The following TMTC1 variants were observed in gnomAD, a reference collection of about 807,000 sequenced individuals.
TMTC1 encodes the protein transmembrane O-mannosyltransferase targeting cadherins 1.
Under a neutral mutation model 104.8 loss-of-function variants are expected in TMTC1, and 73 were observed. The observed-to-expected ratio is 0.70, with a 90% CI of 0.58 to 0.85. TMTC1 has a LOEUF of 0.85. Among genes scored for constraint, TMTC1 ranks in the 40% least tolerant of loss-of-function variants. TMTC1 has a pLI of 0.00. For synonymous variants in TMTC1, 434 were observed against 428.7 expected, an observed-to-expected ratio of 1.01 and a Z score of -0.15; for missense variants, 1,035 against 1,096.1, an observed-to-expected ratio of 0.94 and a Z score of 0.79.
intron 5 of TMTC1, among the ~76,000 whole-genome samples, chr12:29,687,056 G>C (rs1444022462): frequency 6.6e-6 from 1 of 152,074 alleles, no homozygotes; most frequent in African/African-American, 2.4e-5. Flanking sequence ...AAGAGATATT[G>C]GGATTAGAAA....
intron 10 of TMTC1, among the ~76,000 whole-genome samples, chr12:29,548,156 A>G (rs1242087570): frequency 1.3e-5 from 2 of 152,152 alleles, no homozygotes; most frequent in Non-Finnish European, 2.9e-5. Flanking sequence ...TGGACTGGAG[A>G]GAATTTGAAG....
At chr12:29,600,008 A>ATATATATATATTT (rs59108744) in intron 7 of TMTC1, among the ~76,000 whole-genome samples, 8 of 118,686 alleles carry the variant, frequency 6.7e-5, no homozygotes, top group African/African-American at 1.5e-4. Flanking sequence ...ATATATATAT[A>ATATATATATATTT]TTTTTTTTTT....
rs139477722 is a variant in TMTC1, at chr12:29,680,863, C to T, written c.939-47527G>A. 3.7e-3 allele frequency among the ~76,000 whole-genome samples: 563 copies of T among 152,006 alleles called. 5 individuals are homozygous for T. The highest frequency in any genetic ancestry group is 0.013 in the African/African-American group (547 of 41,484). ...AACTGATCCCAGCACTTTGGGAGGC[C>T]GAGGTGGGTGGATCACTTGAGGCCA... On this transcript the variant is annotated intron_variant, in intron 5 of 17. Transcript: ENST00000539277.
intron 5 of TMTC1, among the ~76,000 whole-genome samples, chr12:29,648,448 T>C (rs944644236): frequency 6.6e-6 from 1 of 152,184 alleles, no homozygotes; most frequent in African/African-American, 2.4e-5. Flanking sequence ...AATTCTAAAT[T>C]GGCGCAATTC....
intron 10 of TMTC1, among the ~76,000 whole-genome samples, chr12:29,550,933 CAAAAAAAAAAAAAA>C (rs200605964): frequency 3.0e-4 from 33 of 108,326 alleles, no homozygotes; most frequent in African/African-American, 1.1e-3. Context: ...GACTCCATCT[CAAAAAAAAAAAAAA>C]AAAAAAAAAA....
rs149624519 is a variant in TMTC1 at position 29,679,667 on chromosome 12, C to T, written c.939-46331G>A. Among the ~76,000 whole-genome samples the T allele has an allele frequency of 7.7e-4, 117 of 151,438 alleles. 1 individual carries two copies. The East Asian group carries it at 0.021, about 27-fold the overall frequency. Reference sequence around the variant, plus strand: ...ATTTATCTAAGTAGGAGGCTATATACATTAAATTAAAGCTAAACCAAACTG... The same window carrying T: ...ATTTATCTAAGTAGGAGGCTATATATATTAAATTAAAGCTAAACCAAACTG... On this transcript the variant is annotated intron_variant, in intron 5 of 17. Coordinates refer to ENST00000539277, the MANE Select transcript of TMTC1 (RefSeq NM_001193451.2).
At chr12:29,516,978 A>G (rs1944005303) in intron 14 of TMTC1, among the ~76,000 whole-genome samples, 1 of 152,232 alleles carries the variant, frequency 6.6e-6, no homozygotes, top group Non-Finnish European at 1.5e-5. Flanking sequence ...TTGCAAAGGT[A>G]TTTAGAGATA....
chr12:29,724,268 G>C (rs1942319879), intron 5 of TMTC1, among the ~76,000 whole-genome samples: 1 of 152,200 alleles, frequency 6.6e-6, no homozygotes, highest in South Asian at 2.1e-4. Context: ...GCAGGAGCCT[G>C]GAGCATCATG....
chr12:29,699,649 CTTTTTTTTTTTTT>C (rs71444337), intron 5 of TMTC1, among the ~76,000 whole-genome samples: 1 of 86,848 alleles, frequency 1.2e-5, no homozygotes, highest in Admixed American at 1.5e-4. Flanking sequence ...TCATCTGGTG[CTTTTTTTTTTTTT>C]TTTTTTTTTT....
chr12:29,675,270 G>C (rs1218452669), intron 5 of TMTC1, among the ~76,000 whole-genome samples: 1 of 148,112 alleles, frequency 6.8e-6, no homozygotes, highest in African/African-American at 2.4e-5. Flanking sequence ...CAATTTTCCT[G>C]TCCTAAACTT....
At chr12:29,671,523 C>A (rs1374127251) in intron 5 of TMTC1, among the ~76,000 whole-genome samples, 1 of 152,028 alleles carries the variant, frequency 6.6e-6, no homozygotes, top group Non-Finnish European at 1.5e-5. Flanking sequence ...GCATACTGTG[C>A]GACAGACACT....
rs1333007328 is a variant in TMTC1 at position 29,545,629 on chromosome 12, T to TCTCACACACACACACACA, written c.1677-9313_1677-9312insTGTGTGTGTGTGTGTGAG. Among the ~76,000 whole-genome samples, 7 of 73,528 alleles carry TCTCACACACACACACACA rather than the reference T, an allele frequency of 9.5e-5. 1 individual carries two copies. The highest frequency in any genetic ancestry group is 4.0e-4 in the African/African-American group (7 of 17,470). 48.2% of individuals were successfully genotyped at this position (73,528 alleles called of 152,430 possible). On this transcript the variant is annotated intron_variant, in intron 10 of 17. Coordinates refer to ENST00000539277, the MANE Select transcript of TMTC1 (RefSeq NM_001193451.2). The stretch of plus-strand genomic sequence containing the variant: ...GTCTGGGCAACAGAGCAAGACTCTG[T>TCTCACACACACACACACA]CACACACACACACACACACACACAC...
chr12:29,744,991 T>A lies in TMTC1; in HGVS notation c.938+6675A>T, dbSNP rs1355095474. 2.0e-5 allele frequency among the ~76,000 whole-genome samples: 3 copies of A among 152,138 alleles called. No individual in the cohort carries two copies. The South Asian group carries it at 6.2e-4, about 31-fold the overall frequency. On this transcript the variant is annotated intron_variant, in intron 5 of 17. Coordinates refer to ENST00000539277, the MANE Select transcript of TMTC1 (RefSeq NM_001193451.2). ...TCCAGGCTGGAGTGCAGTGGTGTGA[T>A]CATGGCTCACTACAGCCACAAACTC... is the stretch of plus-strand genomic sequence containing the variant.
chr12:29,535,325 C>A (rs1358547312), intron 11 of TMTC1: 2 of 152,154 alleles, frequency 1.3e-5, no homozygotes, highest in African/African-American at 4.8e-5. Flanking sequence ...TAATCTAAAG[C>A]CCGCCTATCC....
chr12:29,679,033 GATACAACCTAA>G (rs1185387831), intron 5 of TMTC1, among the ~76,000 whole-genome samples: 1 of 152,006 alleles, frequency 6.6e-6, no homozygotes, highest in East Asian at 1.9e-4. Context: ...AAAAAACCTG[GATACAACCTAA>G]ATATCTAATA....
chr12:29,748,631 T>G (rs761294719), intron 5 of TMTC1, among the ~76,000 whole-genome samples: 3 of 152,198 alleles, frequency 2.0e-5, no homozygotes, highest in Non-Finnish European at 2.9e-5. Context: ...ACCCTAAAAG[T>G]GATACCACAG....
intron 10 of TMTC1, among the ~76,000 whole-genome samples, chr12:29,555,839 C>T (rs1413226145): frequency 6.6e-6 from 1 of 152,044 alleles, no homozygotes; most frequent in African/African-American, 2.4e-5. Flanking sequence ...GGTATATACC[C>T]AGTAATGGGA....
At chr12:29,698,663 TC>T (rs1405896211) in intron 5 of TMTC1, among the ~76,000 whole-genome samples, 1 of 152,218 alleles carries the variant, frequency 6.6e-6, no homozygotes, top group Non-Finnish European at 1.5e-5. Flanking sequence ...CAGTCACACT[TC>T]AGTACCTACA....
intron 6 of TMTC1, among the ~76,000 whole-genome samples, chr12:29,606,980 C>T (rs554055384): frequency 2.6e-5 from 4 of 152,022 alleles, no homozygotes; most frequent in Admixed American, 6.6e-5. Flanking sequence ...CCTGCCCCCC[C>T]CCCTCACTCA....
Sources: allele counts gnomAD v4.1 joint callset (sites outside exome capture counted in the v4.1 genomes callset), GRCh38; gene constraint gnomAD v4.1.1; transcripts MANE v1.5; gene names NCBI Gene and HGNC (gene_info 2026-07-23, HGNC 2026-07-21).